The following SLC35C1 variants were observed in gnomAD, a reference collection of about 807,000 sequenced individuals.
SLC35C1 encodes the protein GDP-fucose transporter 1.
SLC35C1 carries 8 observed loss-of-function variants against 23.2 expected under a neutral mutation model. That is an observed-to-expected ratio of 0.35 (90% CI 0.20 to 0.62). The LOEUF is 0.62. SLC35C1 is among the 20% of genes least tolerant of loss of function. SLC35C1 has a pLI of 0.75. For synonymous variants in SLC35C1, 226 were observed against 225.1 expected (o/e 1.00, Z -0.04); for missense variants, 422 against 478.6 (o/e 0.88, Z 1.10).
upstream of SLC35C1, chr11:45,805,124 A>C: frequency 2.0e-6 from 2 of 986,506 alleles, no homozygotes; most frequent in Non-Finnish European, 2.4e-6. Context: ...AAGTGAGTCC[A>C]GGGCCCGCCT....
intron 1 of SLC35C1, chr11:45,810,163 G>T (rs2085923400): frequency 1.0e-6 from 1 of 985,422 alleles, no homozygotes; most frequent in African/African-American, 1.7e-5. Context: ...GCAGAAGTGG[G>T]GAGCCACGGA....
chr11:45,810,206 A>G, intron 1 of SLC35C1: 1 of 985,374 alleles, frequency 1.0e-6, no homozygotes. Context: ...ACAAGATGAG[A>G]GTCTCAGAGT....
intron 1 of SLC35C1, chr11:45,810,044 T>C (rs2085921222): frequency 5.6e-6 from 5 of 892,332 alleles, no homozygotes; most frequent in South Asian, 4.8e-5. Flanking sequence ...ACAAGGACAC[T>C]GAGGCCCAGG....
In SLC35C1 at chr11:45,812,564, C is replaced by A. The variant is rs938496129; in HGVS notation, c.*1229C>A. On this transcript the variant is annotated 3_prime_UTR_variant, in exon 2 of 2. Coordinates refer to ENST00000314134, the MANE Select transcript of SLC35C1 (RefSeq NM_018389.5). ...TCCCGATCCATAGATGGTGCCTTCT[C>A]GCTGTATCCTCAATGGTAGAAGCAC... 1 of 456,054 alleles carries A rather than the reference C, an allele frequency of 2.2e-6. No individual in the cohort carries two copies. Among genetic ancestry groups the A allele is most frequent in the Admixed American group, 2.3e-5 (1 of 42,584 alleles). The allele number at this position is 456,054 out of a possible 1,614,324, so 28.3% of individuals were successfully genotyped here. A position where few individuals can be genotyped will look rare whatever the true frequency, so the allele number is the denominator to read the frequency against.
At chr11:45,809,825 A>G in intron 1 of SLC35C1, 2 of 985,416 alleles carry the variant, frequency 2.0e-6, no homozygotes, top group South Asian at 9.4e-5. Context: ...TTCTGGGAGC[A>G]TGGGATCTGG....
rs886048321 is a variant in SLC35C1, at chr11:45,812,761, G to A, written c.*1426G>A. 2.3e-6 allele frequency: 1 copy of A among 432,870 alleles called. No individual in the cohort carries two copies. Among genetic ancestry groups the A allele is most frequent in the Admixed American group, 2.4e-5 (1 of 41,104 alleles). The allele number at this position is 432,870 out of a possible 1,614,324, so 26.8% of individuals were successfully genotyped here. On this transcript the variant is annotated 3_prime_UTR_variant, in exon 2 of 2. Coordinates refer to ENST00000314134, the MANE Select transcript of SLC35C1 (RefSeq NM_018389.5). Reference sequence around the variant, plus strand: ...GGAGTGGGGGACACACACAAATTTCGGGGCCATACCACCCTTCACCACACC... The same window carrying A: ...GGAGTGGGGGACACACACAAATTTCAGGGCCATACCACCCTTCACCACACC...
chr11:45,806,358 G>A (rs763859228), intron 1 of SLC35C1, 22 bp downstream of exon 1: 13 of 1,610,066 alleles, frequency 8.1e-6, no homozygotes, highest in Admixed American at 3.3e-5. Flanking sequence ...CTGGGGCCAC[G>A]GGGGATAGAG....
rs188463491 is a variant in SLC35C1 at position 45,809,663 on chromosome 11, G to T, written c.536-1113G>T. On this transcript the variant is annotated intron_variant, in intron 1 of 1. Coordinates refer to ENST00000314134, the MANE Select transcript of SLC35C1 (RefSeq NM_018389.5). ...ACAGGGAGGTGACCCAGAGAGCTCA[G>T]AGTGGTTAAGTAACTTCTCCCAGGC... is the stretch of plus-strand genomic sequence containing the variant. The T allele has an allele frequency of 5.1e-4, 367 of 725,674 alleles. 3 individuals carry two copies. In the African/African-American group the frequency reaches 6.8e-3, roughly 13 times the overall value. 45.0% of individuals were successfully genotyped at this position (725,674 alleles called of 1,614,324 possible). A position where few individuals can be genotyped will look rare whatever the true frequency, so the allele number is the denominator to read the frequency against.
chr11:45,805,180 G>C lies in SLC35C1; in HGVS notation c.-622G>C. 1 of 990,578 alleles carries C rather than the reference G, an allele frequency of 1.0e-6. No homozygotes were observed. Among genetic ancestry groups the C allele is most frequent in the Non-Finnish European group, 1.2e-6 (1 of 832,698 alleles). 61.4% of individuals were successfully genotyped at this position (990,578 alleles called of 1,614,324 possible). A position where few individuals can be genotyped will look rare whatever the true frequency, so the allele number is the denominator to read the frequency against. ...TGTCCGGAGGCTCCTGGGCTGAGCCGGCGACAGAGCCCGGGAAGGCAGCGA... is the reference window on the plus strand; with the variant it reads ...TGTCCGGAGGCTCCTGGGCTGAGCCCGCGACAGAGCCCGGGAAGGCAGCGA... On this transcript the variant is annotated 5_prime_UTR_variant, in exon 1 of 2. Coordinates refer to ENST00000314134, the MANE Select transcript of SLC35C1 (RefSeq NM_018389.5).
chr11:45,811,424 A>C lies in SLC35C1; in HGVS notation c.*89A>C. 1 of 1,151,392 alleles carries C rather than the reference A, an allele frequency of 8.7e-7. No individual in the cohort carries two copies. Among genetic ancestry groups the C allele is most frequent in the Non-Finnish European group, 1.2e-6 (1 of 841,834 alleles). 71.3% of individuals were successfully genotyped at this position (1,151,392 alleles called of 1,614,324 possible). A position where few individuals can be genotyped will look rare whatever the true frequency, so the allele number is the denominator to read the frequency against. On this transcript the variant is annotated 3_prime_UTR_variant, in exon 2 of 2. Coordinates refer to ENST00000314134, the MANE Select transcript of SLC35C1 (RefSeq NM_018389.5). Reference sequence around the variant, plus strand: ...GTGAAGGCGGTCTCCTGGACCCCAGAAGCGTGCTGTGGTGTGGACTGGGTG... The same window carrying C: ...GTGAAGGCGGTCTCCTGGACCCCAGCAGCGTGCTGTGGTGTGGACTGGGTG...
chr11:45,808,832 CT>C (rs2085905125), intron 1 of SLC35C1, among the ~76,000 whole-genome samples: 2 of 152,138 alleles, frequency 1.3e-5, no homozygotes, highest in African/African-American at 4.8e-5. Context: ...GTGAAGCCCC[CT>C]CTCTACTGAA....
At chr11:45,809,781 C>T in intron 1 of SLC35C1, 1 of 985,430 alleles carries the variant, frequency 1.0e-6, no homozygotes, top group Non-Finnish European at 1.2e-6. Flanking sequence ...GATGCTGTGG[C>T]AGGAAGTATA....
Position 45,805,827 on chromosome 11 carries a change from C to T in SLC35C1, c.26C>T (p.Ser9Phe). ...ATGAATAGGGCCCCTCTGAAGCGGT[C>T]CAGGATCCTGCACATGGCGCTGACC... Reference protein sequence around the residue: MNRAPLKRSRILHMALTGA... With the variant: MNRAPLKRFRILHMALTGA... The change falls in exon 1 of 2, where the codon TCC becomes TTC. Residue 9 changes from serine (S) to phenylalanine (F), a missense_variant. Transcript: ENST00000314134. The T allele has an allele frequency of 4.3e-6, 7 of 1,613,940 alleles. No individual in the cohort carries two copies. Among genetic ancestry groups the T allele is most frequent in the South Asian group, 1.1e-5 (1 of 91,070 alleles).
intron 1 of SLC35C1, among the ~76,000 whole-genome samples, chr11:45,809,057 G>A (rs1157828409): frequency 1.3e-5 from 2 of 152,224 alleles, no homozygotes; most frequent in Admixed American, 6.5e-5. Flanking sequence ...TATGATGTAG[G>A]AAGTATCCTG....
chr11:45,805,520 C>T lies in SLC35C1; in HGVS notation c.-282C>T, dbSNP rs2085860066. On this transcript the variant is annotated 5_prime_UTR_variant, in exon 1 of 2. Coordinates refer to ENST00000314134, the MANE Select transcript of SLC35C1 (RefSeq NM_018389.5). The stretch of plus-strand genomic sequence containing the variant: ...CCCAGCCTCTTCTCCCCTCACAGGT[C>T]TTCTCTGTCCTGGCCTCACCGCCTT... 6 of 1,361,848 alleles carry T rather than the reference C, an allele frequency of 4.4e-6. No homozygotes were observed. The highest frequency in any genetic ancestry group is 1.6e-5 in the South Asian group (1 of 62,334). 84.4% of individuals were successfully genotyped at this position (1,361,848 alleles called of 1,614,324 possible).
intron 1 of SLC35C1, among the ~76,000 whole-genome samples, chr11:45,809,233 C>T (rs966220632): frequency 4.6e-5 from 7 of 152,156 alleles, no homozygotes; most frequent in South Asian, 2.1e-4. Flanking sequence ...GTGACAGTTA[C>T]GCTAGCATAG....
At chr11:45,808,647 A>C (rs11038665) in intron 1 of SLC35C1, among the ~76,000 whole-genome samples, 1 of 151,990 alleles carries the variant, frequency 6.6e-6, no homozygotes, top group Non-Finnish European at 1.5e-5. Context: ...CCCTCACCCT[A>C]CCCCCAGCAG....
At chr11:45,806,794 C>A in intron 1 of SLC35C1, 1 of 626,022 alleles carries the variant, frequency 1.6e-6, no homozygotes, top group Non-Finnish European at 2.0e-6. Flanking sequence ...GTTCACATGC[C>A]CGACCACTGT....
chr11:45,805,815 C>T lies in SLC35C1; in HGVS notation c.14C>T (p.Pro5Leu), dbSNP rs2085864641. Residue 5 changes from proline to leucine, a missense_variant, in exon 1 of 2, where the codon CCT becomes CTT. Pro to Leu is a moderately conservative substitution (Grantham distance 98). Transcript: ENST00000314134. ...TCCTCTGCTACCATGAATAGGGCCCCTCTGAAGCGGTCCAGGATCCTGCAC... is the reference window on the plus strand; with the variant it reads ...TCCTCTGCTACCATGAATAGGGCCCTTCTGAAGCGGTCCAGGATCCTGCAC... MNRA[P>L]LKRSRILHMA... The T allele has an allele frequency of 1.2e-6, 2 of 1,613,748 alleles. No individual in the cohort carries two copies. Among genetic ancestry groups the T allele is most frequent in the Non-Finnish European group, 8.5e-7 (1 of 1,180,014 alleles).
Sources: gnomAD v4.1 joint callset for allele counts (sites outside exome capture counted in the v4.1 genomes callset) on GRCh38, gnomAD v4.1.1 for gene constraint, MANE v1.5 for transcripts, NCBI Gene and HGNC (gene_info 2026-07-23, HGNC 2026-07-21) for gene names.